The following SV2C variants were observed in gnomAD, a reference collection of about 807,000 sequenced individuals.
SV2C encodes the protein synaptic vesicle glycoprotein 2C.
A neutral mutation model predicts 79.7 loss-of-function variants in SV2C; 49 were observed. The observed-to-expected ratio is 0.61, with a 90% CI of 0.49 to 0.78. SV2C has a LOEUF of 0.78. SV2C is among the 30% of genes least tolerant of loss of function. The probability of loss-of-function intolerance (pLI) is 0.00; values close to 1 mark genes in which losing one functional copy is unlikely to be tolerated. For synonymous variants in SV2C, 334 were observed against 333.2 expected (o/e 1.00, Z -0.03); for missense variants, 833 against 912.9 (o/e 0.91, Z 1.13).
chr5:75,862,750 A>G, the SV2C span, among the ~76,000 whole-genome samples: 1 of 152,192 alleles, frequency 6.6e-6, no homozygotes, highest in East Asian at 1.9e-4. Context: ...TCTTCCCAAG[A>G]CAAAAGACAT....
At chr5:75,930,872 G>A in the SV2C span, among the ~76,000 whole-genome samples, 1 of 152,322 alleles carries the variant, frequency 6.6e-6, no homozygotes, top group South Asian at 2.1e-4. Flanking sequence ...GGAGGCTCGT[G>A]CCTGTAATTC....
intron 4 of SV2C, among the ~76,000 whole-genome samples, chr5:76,260,920 G>C (rs979818407): frequency 2.0e-5 from 3 of 151,272 alleles, no homozygotes; most frequent in Admixed American, 1.3e-4. Flanking sequence ...TGTCTTGGTT[G>C]TATGGGCTCT....
chr5:75,976,304 T>C, the SV2C span, among the ~76,000 whole-genome samples: 5 of 152,268 alleles, frequency 3.3e-5, no homozygotes, highest in East Asian at 7.7e-4. Context: ...TCTCTCTCTC[T>C]CTGGAGCAGG....
intron 3 of SV2C, among the ~76,000 whole-genome samples, chr5:76,202,642 C>G (rs1216601668): frequency 1.3e-5 from 2 of 152,206 alleles, no homozygotes; most frequent in Admixed American, 1.3e-4. Flanking sequence ...AATGAGGCAA[C>G]AGTCAAGATT....
chr5:75,900,597 C>T, the SV2C span, among the ~76,000 whole-genome samples: 94 of 152,168 alleles, frequency 6.2e-4, no homozygotes, highest in Middle Eastern at 3.4e-3. Flanking sequence ...TTTCCTGAAT[C>T]TGAATGTTGG....
chr5:76,263,861 T>A (rs567941592), intron 4 of SV2C, among the ~76,000 whole-genome samples: 1 of 152,338 alleles, frequency 6.6e-6, no homozygotes, highest in Admixed American at 6.5e-5. Flanking sequence ...CTTAACATTT[T>A]TTCCTTCGTT....
chr5:76,072,512 T>C, the SV2C span, among the ~76,000 whole-genome samples: 7 of 152,160 alleles, frequency 4.6e-5, no homozygotes, highest in African/African-American at 1.7e-4. Context: ...TTTTCCCTAA[T>C]GGCTGCAGAA....
the SV2C span, among the ~76,000 whole-genome samples, chr5:76,053,515 T>C: frequency 6.6e-6 from 1 of 152,196 alleles, no homozygotes; most frequent in Non-Finnish European, 1.5e-5. Context: ...AAAGACCAAG[T>C]GTGATATTTT....
the SV2C span, among the ~76,000 whole-genome samples, chr5:76,030,289 T>TTTTTTTTTTTTTTTTTTTTTTTTTTTA: frequency 1.7e-5 from 2 of 117,874 alleles, no homozygotes; most frequent in Non-Finnish European, 3.4e-5. Flanking sequence ...TTTTTTTTTT[T>TTTTTTTTTTTTTTTTTTTTTTTTTTTA]TTTATTTATT....
At chr5:76,033,099 T>C in the SV2C span, among the ~76,000 whole-genome samples, 2 of 152,092 alleles carry the variant, frequency 1.3e-5, no homozygotes, top group African/African-American at 4.8e-5. Flanking sequence ...GGGTTGTTTG[T>C]TTTTTTCTTG....
At chr5:76,224,915 T>A (rs917160355) in intron 4 of SV2C, among the ~76,000 whole-genome samples, 1 of 152,206 alleles carries the variant, frequency 6.6e-6, no homozygotes, top group Non-Finnish European at 1.5e-5. Flanking sequence ...TATTCTCTTA[T>A]GGGCTGATTT....
At chr5:75,910,765 T>C in the SV2C span, 2 of 1,360,736 alleles carry the variant, frequency 1.5e-6, no homozygotes, top group South Asian at 1.2e-5. Flanking sequence ...AGCTGCCTAT[T>C]CTTTATAACA....
intron 3 of SV2C, among the ~76,000 whole-genome samples, chr5:76,196,349 G>A (rs1324618388): frequency 1.3e-5 from 2 of 151,878 alleles, no homozygotes; most frequent in Non-Finnish European, 2.9e-5. Context: ...TTTGTTCTTG[G>A]GGAAAAAAAA....
intron 3 of SV2C, among the ~76,000 whole-genome samples, chr5:76,195,946 T>C (rs1744259076): frequency 6.6e-6 from 1 of 152,180 alleles, no homozygotes; most frequent in African/African-American, 2.4e-5. Context: ...TTTTGATTCA[T>C]GATTAAGAAC....
At chr5:76,216,272 C>T (rs184500283) in intron 4 of SV2C, among the ~76,000 whole-genome samples, 1 of 152,254 alleles carries the variant, frequency 6.6e-6, no homozygotes, top group African/African-American at 2.4e-5. Context: ...AGGTTCCCAA[C>T]ATGAATGGAC....
At chr5:76,299,028 A>T (rs1747883986) in intron 10 of SV2C, 101 bp downstream of exon 10, 3 of 1,291,604 alleles carry the variant, frequency 2.3e-6, no homozygotes, top group Non-Finnish European at 3.1e-6. Flanking sequence ...CGGGAAGTGG[A>T]TATTAAAGAA....
intron 4 of SV2C, among the ~76,000 whole-genome samples, chr5:76,242,778 A>G (rs532163884): frequency 6.6e-6 from 1 of 152,100 alleles, no homozygotes; most frequent in South Asian, 2.1e-4. Flanking sequence ...CACGCCTGTA[A>G]TCTCAGCACT....
the SV2C span, among the ~76,000 whole-genome samples, chr5:75,870,653 G>A: frequency 6.6e-6 from 1 of 152,140 alleles, no homozygotes; most frequent in Non-Finnish European, 1.5e-5. Flanking sequence ...CAATATCCAA[G>A]TACAAGAAGG....
the SV2C span, among the ~76,000 whole-genome samples, chr5:76,073,923 AAAG>A: frequency 2.6e-5 from 4 of 152,192 alleles, no homozygotes; most frequent in African/African-American, 9.7e-5. Flanking sequence ...AATTTTAAAA[AAAG>A]AAGTAGAGAA....
Sources: gnomAD v4.1 joint callset for allele counts (sites outside exome capture counted in the v4.1 genomes callset) on GRCh38, gnomAD v4.1.1 for gene constraint, MANE v1.5 for transcripts, NCBI Gene and HGNC (gene_info 2026-07-23, HGNC 2026-07-21) for gene names.